Variants in CFAP20DC observed in about 807,000 individuals in gnomAD.
The protein encoded by CFAP20DC is CFAP20 domain containing, also known as protein CFAP20DC.
Under a neutral mutation model 101.7 loss-of-function variants are expected in CFAP20DC, and 84 were observed. That is an observed-to-expected ratio of 0.83 (90% CI 0.69 to 0.99). CFAP20DC has a LOEUF of 0.99. Ranked by LOEUF, CFAP20DC falls within the 50% of genes least tolerant of loss-of-function variation. The pLI is 0.00. For missense variants in CFAP20DC, 1,007 were observed against 970.3 expected, an observed-to-expected ratio of 1.04 and a Z score of -0.50; for synonymous variants, 359 against 351.2, an observed-to-expected ratio of 1.02 and a Z score of -0.25.
In CFAP20DC at chr3:59,049,666, G is replaced by A. The variant is rs1172783435; in HGVS notation, c.-35C>T. 1 of 1,534,820 alleles carries A rather than the reference G, an allele frequency of 6.5e-7. No homozygotes were observed. ...GGGCCCAGGGCTTGGGGGGCACAGA[G>A]TTCAGGGTTTCCAGCGAGTGGCGTG... On this transcript the variant is annotated 5_prime_UTR_variant, in exon 1 of 17. Coordinates refer to ENST00000482387, the MANE Select transcript of CFAP20DC (RefSeq NM_001394063.1).
chr3:59,046,094 A>G, intron 3 of CFAP20DC, 135 bp downstream of exon 3: 1 of 643,740 alleles, frequency 1.6e-6, no homozygotes, highest in South Asian at 2.0e-5. Flanking sequence ...GTTGCCCTCT[A>G]AATTAAAAAA....
chr3:58,962,458 T>C (rs141154579), intron 4 of CFAP20DC, among the ~76,000 whole-genome samples: 63 of 152,278 alleles, frequency 4.1e-4, no homozygotes, highest in African/African-American at 1.4e-3. Flanking sequence ...CCAGAGAAAA[T>C]TCCATGTGCA....
In CFAP20DC at chr3:58,806,407, G is replaced by A. The variant is rs774864586; in HGVS notation, c.2225C>T (p.Pro742Leu). The A allele has an allele frequency of 1.2e-5, 20 of 1,604,456 alleles. No homozygotes were observed. In the South Asian group the frequency reaches 2.0e-4, roughly 16 times the overall value. Residue 742 changes from proline to leucine, a missense_variant, in exon 15 of 17, where the codon CCT becomes CTT. Physicochemically the swap from Pro to Leu is moderately conservative, Grantham distance 98 (BLOSUM62 -3). Transcript: ENST00000482387. ...HYQKEMNPPS[P>L]SNPRDWLNML... ...TAATGATTCTTACCGGGGATTAGAAGGAGAAGGTGGGTTCATTTCTTTCTG... is the reference window on the plus strand; with the variant it reads ...TAATGATTCTTACCGGGGATTAGAAAGAGAAGGTGGGTTCATTTCTTTCTG...
At chr3:58,956,328 GC>G (rs926594771) in intron 4 of CFAP20DC, among the ~76,000 whole-genome samples, 1 of 151,816 alleles carries the variant, frequency 6.6e-6, no homozygotes, top group African/African-American at 2.4e-5. Flanking sequence ...CCCAGACCAG[GC>G]AGCACTCACC....
At chr3:58,999,706 C>T (rs528836691) in intron 4 of CFAP20DC, among the ~76,000 whole-genome samples, 1 of 152,180 alleles carries the variant, frequency 6.6e-6, no homozygotes, top group South Asian at 2.1e-4. Context: ...GCAATTGACA[C>T]ACTAGAAAAT....
At chr3:58,870,894 CAAAAAAAAAAA>C (rs548763648) in intron 7 of CFAP20DC, among the ~76,000 whole-genome samples, 1,466 of 18,936 alleles carry the variant, frequency 0.077, 14 homozygotes, top group African/African-American at 0.14. Flanking sequence ...GACTCCGTCT[CAAAAAAAAAAA>C]AAAAAAAAAA....
At chr3:58,852,130 GCT>G (rs2078300017) in intron 12 of CFAP20DC, among the ~76,000 whole-genome samples, 1 of 152,082 alleles carries the variant, frequency 6.6e-6, no homozygotes, top group Non-Finnish European at 1.5e-5. Context: ...AGTAGCCATT[GCT>G]CTGATTGTGC....
chr3:58,825,554 C>T (rs1174774700), intron 14 of CFAP20DC, among the ~76,000 whole-genome samples: 9 of 151,840 alleles, frequency 5.9e-5, no homozygotes, highest in Non-Finnish European at 1.5e-5. Context: ...CACACACACA[C>T]ACAACATGGC....
At chr3:58,733,787 C>T (rs2067693269) in intron 3 of CFAP20DC, among the ~76,000 whole-genome samples, 2 of 152,246 alleles carry the variant, frequency 1.3e-5, no homozygotes, top group African/African-American at 2.4e-5. Context: ...AGGGTTGCCC[C>T]TATTTCTCCA....
intron 12 of CFAP20DC, among the ~76,000 whole-genome samples, chr3:58,851,746 A>G (rs1259766965): frequency 1.3e-5 from 2 of 150,964 alleles, no homozygotes; most frequent in East Asian, 1.9e-4. Flanking sequence ...TTACTAACTG[A>G]AAAAAAAACA....
chr3:58,874,051 A>G lies in CFAP20DC; in HGVS notation c.716-3742T>C, dbSNP rs904345011. On this transcript the variant is annotated intron_variant, in intron 7 of 16. Transcript: ENST00000482387. This position sits in a 1 kb window ranked among gnomAD's most constrained non-coding sequence, Gnocchi z 5.1. ...CAGACATCAGGTGACTCCTTAATTT[A>G]TATCTCTTAGCCTTGTCCTCTCTTC... 3.3e-5 allele frequency among the ~76,000 whole-genome samples: 5 copies of G among 152,234 alleles called. No homozygotes were observed. The highest frequency in any genetic ancestry group is 1.2e-4 in the African/African-American group (5 of 41,462).
At chr3:58,734,892 C>A (rs924824178) in intron 3 of CFAP20DC, among the ~76,000 whole-genome samples, 1 of 152,126 alleles carries the variant, frequency 6.6e-6, no homozygotes, top group Non-Finnish European at 1.5e-5. Context: ...ATTCCTAGTG[C>A]TCTCCCATCA....
chr3:58,848,012 T>A (rs1476749300), intron 13 of CFAP20DC, among the ~76,000 whole-genome samples: 1 of 115,136 alleles, frequency 8.7e-6, no homozygotes, highest in Non-Finnish European at 1.8e-5. Context: ...CTCTGGGGAC[T>A]GTTGTGGGGT....
In CFAP20DC at chr3:58,817,577, G is replaced by A. The variant is rs566685166; in HGVS notation, c.2176-11121C>T. On this transcript the variant is annotated intron_variant, in intron 14 of 16. Transcript: ENST00000482387. Reference sequence around the variant, plus strand: ...GAAATGAATGAAATGAAGCGAGAAGGGAAGTTTAGAGAAAAAAGAATAAAA... The same window carrying A: ...GAAATGAATGAAATGAAGCGAGAAGAGAAGTTTAGAGAAAAAAGAATAAAA... 8.4e-5 allele frequency among the ~76,000 whole-genome samples: 12 copies of A among 143,486 alleles called. No homozygotes were observed. The South Asian group carries it at 2.9e-3, about 35-fold the overall frequency. 94.1% of individuals were successfully genotyped at this position (143,486 alleles called of 152,430 possible). A position where few individuals can be genotyped will look rare whatever the true frequency, so the allele number is the denominator to read the frequency against.
intron 6 of CFAP20DC, among the ~76,000 whole-genome samples, chr3:58,890,374 T>A (rs2082080988): frequency 2.3e-5 from 3 of 128,680 alleles, no homozygotes; most frequent in South Asian, 2.7e-4. Context: ...CACTTCCCAG[T>A]AGGGGCGGCC....
intron 4 of CFAP20DC, among the ~76,000 whole-genome samples, chr3:58,991,156 A>G (rs758228259): frequency 1.3e-5 from 2 of 152,170 alleles, no homozygotes; most frequent in Admixed American, 1.3e-4. Flanking sequence ...TTCAAAGGAA[A>G]GCATTTACAA....
chr3:58,718,041 A>C (rs1471251326), intron 3 of CFAP20DC, among the ~76,000 whole-genome samples: 1 of 152,232 alleles, frequency 6.6e-6, no homozygotes, highest in Non-Finnish European at 1.5e-5. Context: ...TTATCCATTC[A>C]TACTTTGATC....
rs116123249 is a variant in CFAP20DC, at chr3:59,025,978, G to A, written c.278+13579C>T. Among the ~76,000 whole-genome samples, 722 of 152,062 alleles carry A rather than the reference G, an allele frequency of 4.7e-3. 3 individuals carry two copies. The highest frequency in any genetic ancestry group is 0.017 in the African/African-American group (694 of 41,506). On this transcript the variant is annotated intron_variant, in intron 4 of 16. Transcript: ENST00000482387. ...CATAAACATATGTTTAATAGATAAA[G>A]GATATGCAGCTGATTTATATACCTA...
chr3:58,891,196 G>GCGGATCACT (rs1258299266), intron 6 of CFAP20DC, among the ~76,000 whole-genome samples: 3 of 152,092 alleles, frequency 2.0e-5, no homozygotes, highest in African/African-American at 4.8e-5. Flanking sequence ...GCCGAGGCTG[G>GCGGATCACT]CGGATCACTC....
Sources: allele counts gnomAD v4.1 joint callset (sites outside exome capture counted in the v4.1 genomes callset), GRCh38; gene constraint gnomAD v4.1.1; non-coding constraint Gnocchi (gnomAD v3.1); transcripts MANE v1.5; gene names NCBI Gene and HGNC (gene_info 2026-07-23, HGNC 2026-07-21).